CDYL2: variants seen among roughly 807,000 people sequenced by gnomAD.
CDYL2 encodes the protein chromodomain Y like 2, also known as chromodomain Y-like protein 2.
In CDYL2, 23 loss-of-function variants were observed where a neutral mutation model predicts 49.4. The observed-to-expected ratio is 0.47, with a 90% CI of 0.34 to 0.66. The LOEUF is 0.66. Ranked by LOEUF, CDYL2 falls within the 30% of genes least tolerant of loss-of-function variation. The probability of loss-of-function intolerance (pLI) is 0.01; values close to 1 mark genes in which losing one functional copy is unlikely to be tolerated. For missense variants in CDYL2, 678 were observed against 656.4 expected (o/e 1.03, Z -0.36); for synonymous variants, 360 against 268.8 (o/e 1.34, Z -3.32).
intron 5 of CDYL2, among the ~76,000 whole-genome samples, chr16:80,611,024 G>A (rs1460226658): frequency 6.6e-6 from 1 of 152,038 alleles, no homozygotes; most frequent in Non-Finnish European, 1.5e-5. Context: ...CAGCCACACT[G>A]ACCTGACCAC....
chr16:80,788,979 CAAAAG>C (rs1907523831), intron 1 of CDYL2, among the ~76,000 whole-genome samples: 1 of 152,102 alleles, frequency 6.6e-6, no homozygotes, highest in Non-Finnish European at 1.5e-5. Flanking sequence ...AGACATCTCT[CAAAAG>C]AAGACATACA....
chr16:80,763,861 T>G (rs1314240501), intron 1 of CDYL2, among the ~76,000 whole-genome samples: 1 of 152,198 alleles, frequency 6.6e-6, no homozygotes, highest in Non-Finnish European at 1.5e-5. Context: ...GAACTTACTT[T>G]CTGCTGGGAG....
intron 2 of CDYL2, among the ~76,000 whole-genome samples, chr16:80,684,047 C>G (rs1910074969): frequency 6.6e-6 from 1 of 152,196 alleles, no homozygotes; most frequent in Non-Finnish European, 1.5e-5. Context: ...GTGGTGAACT[C>G]CAAGTCCACA....
intron 3 of CDYL2, among the ~76,000 whole-genome samples, chr16:80,624,760 A>C (rs1907230397): frequency 6.6e-6 from 1 of 152,244 alleles, no homozygotes; most frequent in African/African-American, 2.4e-5. Context: ...ATGGGGAAAA[A>C]ATAGATTTGA....
chr16:80,682,988 C>G (rs890096475), intron 2 of CDYL2, among the ~76,000 whole-genome samples: 1 of 152,148 alleles, frequency 6.6e-6, no homozygotes, highest in Admixed American at 6.5e-5. Flanking sequence ...AAAGAGGAGC[C>G]TCAACACGGA....
chr16:80,792,298 A>C (rs537722086), intron 1 of CDYL2, among the ~76,000 whole-genome samples: 47 of 152,320 alleles, frequency 3.1e-4, no homozygotes, highest in African/African-American at 1.0e-3. Context: ...ACCATGAGAA[A>C]CTGCAATGTT....
chr16:80,697,680 C>T (rs981437337), intron 1 of CDYL2, among the ~76,000 whole-genome samples: 1 of 152,128 alleles, frequency 6.6e-6, no homozygotes, highest in African/African-American at 2.4e-5. Context: ...AATCTAAAGA[C>T]TCCACCAAAA....
At chr16:80,803,725 C>G (rs1377914408) in intron 1 of CDYL2, among the ~76,000 whole-genome samples, 1 of 142,716 alleles carries the variant, frequency 7.0e-6, no homozygotes, top group Admixed American at 6.9e-5. Context: ...ACACCCCCGC[C>G]GGCCGCGGCG....
At chr16:80,735,599 G>A (rs1303894169) in intron 1 of CDYL2, among the ~76,000 whole-genome samples, 1 of 152,152 alleles carries the variant, frequency 6.6e-6, no homozygotes, top group Non-Finnish European at 1.5e-5. Flanking sequence ...AATTCTCAGA[G>A]GCAGCCCAGA....
chr16:80,660,960 A>T (rs1300629555), intron 2 of CDYL2, among the ~76,000 whole-genome samples: 1 of 152,132 alleles, frequency 6.6e-6, no homozygotes, highest in Non-Finnish European at 1.5e-5. Flanking sequence ...GCTAGGGGTA[A>T]GCTGTCTGAG....
chr16:80,735,505 G>A (rs893732966), intron 1 of CDYL2, among the ~76,000 whole-genome samples: 2 of 152,280 alleles, frequency 1.3e-5, no homozygotes, highest in East Asian at 3.9e-4. Context: ...CACTGAATGG[G>A]CACTCACTGA....
At position 80,804,560 on chromosome 16, in the gene CDYL2, C is replaced by T. The variant is rs1908041601; in HGVS notation, c.-387G>A. The stretch of plus-strand genomic sequence containing the variant: ...CGCCCCGGCGCCGCCTGCAGGAAGC[C>T]GCCCGGCGCCCGCCGCCGGCCCGGA... On this transcript the variant is annotated 5_prime_UTR_variant, in exon 1 of 7. Transcript: ENST00000570137. Among the ~76,000 whole-genome samples the T allele has an allele frequency of 6.9e-6, 1 of 144,766 alleles. No homozygotes were observed. The highest frequency in any genetic ancestry group is 2.5e-5 in the African/African-American group (1 of 40,498). The allele number at this position is 144,766 out of a possible 152,430, so 95.0% of individuals were successfully genotyped here.
intron 2 of CDYL2, among the ~76,000 whole-genome samples, chr16:80,667,976 G>A (rs545114394): frequency 6.6e-6 from 1 of 152,250 alleles, no homozygotes; most frequent in Non-Finnish European, 1.5e-5. Context: ...TGCCCAGGGA[G>A]AGACACAAGT....
At chr16:80,725,400 G>C (rs1040174413) in intron 1 of CDYL2, among the ~76,000 whole-genome samples, 2 of 152,080 alleles carry the variant, frequency 1.3e-5, no homozygotes, top group Admixed American at 6.5e-5. Context: ...GGGATTCATG[G>C]TGACGATCCA....
In CDYL2 at chr16:80,608,022, A is replaced by G. The variant is rs191129809; in HGVS notation, c.1362+70T>C. On this transcript the variant is annotated intron_variant, in intron 6 of 6. Transcript: ENST00000570137. ...TCTAGCAAGTCAGTGAAGCCCTCTG[A>G]GCCTTGCTGTCTTCATGTGTAAAAT... 1.2e-5 allele frequency: 18 copies of G among 1,471,500 alleles called. No individual in the cohort carries two copies. In the East Asian group the frequency reaches 4.4e-4, roughly 36 times the overall value. 91.2% of individuals were successfully genotyped at this position (1,471,500 alleles called of 1,614,324 possible). A position where few individuals can be genotyped will look rare whatever the true frequency, so the allele number is the denominator to read the frequency against.
chr16:80,666,871 A>G (rs1283408343), intron 2 of CDYL2, among the ~76,000 whole-genome samples: 1 of 152,156 alleles, frequency 6.6e-6, no homozygotes, highest in African/African-American at 2.4e-5. Context: ...TCATTTCTTA[A>G]GCACCTGCTA....
rs754995779 is a variant in CDYL2 at position 80,612,764 on chromosome 16, C to A, written c.1080G>T (p.Leu360=). 17 of 1,613,854 alleles carry A rather than the reference C, an allele frequency of 1.1e-5. 1 individual carries two copies. The South Asian group carries it at 1.9e-4, about 18-fold the overall frequency. Residue 360 remains leucine, a synonymous_variant, in exon 5 of 7, where the codon CTG becomes CTT. Coordinates refer to ENST00000570137, the MANE Select transcript of CDYL2 (RefSeq NM_152342.4). The surrounding 1 kb of genome is among the most constrained non-coding windows in gnomAD (Gnocchi z 5.0). The stretch of plus-strand genomic sequence containing the variant: ...CACAGAGGGGCAGGATGGAGGCACC[C>A]AGGCCCAGGGCCGGCCCATTGATGG... ...VVAINGPALG[L]GASILPLCDI...
At chr16:80,786,551 T>C (rs1218700907) in intron 1 of CDYL2, among the ~76,000 whole-genome samples, 1 of 152,322 alleles carries the variant, frequency 6.6e-6, no homozygotes, top group Admixed American at 6.5e-5. Context: ...TGGAAGACAG[T>C]GTGGCAATTC....
chr16:80,676,672 G>C (rs1023105257), intron 2 of CDYL2, among the ~76,000 whole-genome samples: 3 of 152,290 alleles, frequency 2.0e-5, no homozygotes, highest in South Asian at 4.1e-4. Context: ...AGGTTATTCA[G>C]GACTTTCACT....
Sources: allele counts gnomAD v4.1 joint callset (sites outside exome capture counted in the v4.1 genomes callset), GRCh38; gene constraint gnomAD v4.1.1; non-coding constraint Gnocchi (gnomAD v3.1); transcripts MANE v1.5; gene names NCBI Gene and HGNC (gene_info 2026-07-23, HGNC 2026-07-21).